USP13: variants seen among roughly 807,000 people sequenced by gnomAD.
The protein encoded by USP13 is ubiquitin carboxyl-terminal hydrolase 13.
Under a neutral mutation model 107.8 loss-of-function variants are expected in USP13, and 68 were observed. The ratio of observed to expected loss-of-function variants is 0.63; its 90% CI spans 0.52 to 0.77. USP13 has a LOEUF of 0.77. USP13 is among the 30% of genes least tolerant of loss of function. USP13 has a pLI of 0.00. For missense variants in USP13, 945 were observed against 1,093.3 expected (o/e 0.86, Z 1.91); for synonymous variants, 377 against 389.5 (o/e 0.97, Z 0.38).
At chr3:179,688,255 G>C (rs1484682855) in intron 2 of USP13, among the ~76,000 whole-genome samples, 3 of 116,158 alleles carry the variant, frequency 2.6e-5, no homozygotes, top group Non-Finnish European at 5.6e-5. Context: ...TATTTACTCA[G>C]TAGCTGCTAT....
rs1162503785 is a variant in USP13 at position 179,721,410 on chromosome 3, T to C, written c.909T>C (p.Asn303=). 4.3e-6 allele frequency: 7 copies of C among 1,613,370 alleles called. No homozygotes were observed. The highest frequency in any genetic ancestry group is 5.9e-6 in the Non-Finnish European group (7 of 1,179,784). Reference sequence around the variant, plus strand: ...CGATGACTTTGTCTCAGACAGAGAATGGGCTCCAGGACAATGACATCAAGC... The same window carrying C: ...CGATGACTTTGTCTCAGACAGAGAACGGGCTCCAGGACAATGACATCAAGC... The part of the protein sequence containing the change: ...IDMLHMHGTE[N]GLQDNDIKLR... Residue 303 remains asparagine, a synonymous_variant, in exon 8 of 21, where the codon AAT becomes AAC. Coordinates refer to ENST00000263966, the MANE Select transcript of USP13 (RefSeq NM_003940.3). The surrounding 1 kb of genome is among the most constrained non-coding windows in gnomAD (Gnocchi z 4.3).
intron 14 of USP13, among the ~76,000 whole-genome samples, chr3:179,753,677 C>T (rs1315003072): frequency 1.3e-5 from 2 of 152,040 alleles, no homozygotes; most frequent in African/African-American, 2.4e-5. Context: ...TTTAAATTTG[C>T]TTTTTTAAAC....
At position 179,654,369 on chromosome 3, in the gene USP13, T is replaced by C. The variant is rs1254541741; in HGVS notation, c.168+976T>C. 2.0e-5 allele frequency among the ~76,000 whole-genome samples: 3 copies of C among 152,082 alleles called. No individual in the cohort carries two copies. The East Asian group carries it at 5.8e-4, about 29-fold the overall frequency. Reference sequence around the variant, plus strand: ...TGGACTGACATGCGCAAGTATAAATTATTAAAAGTTCAATCCCGAGTCGTG... The same window carrying C: ...TGGACTGACATGCGCAAGTATAAATCATTAAAAGTTCAATCCCGAGTCGTG... On this transcript the variant is annotated intron_variant, in intron 1 of 20. Transcript: ENST00000263966.
rs115180163 is a variant in USP13 at position 179,732,202 on chromosome 3, G to A, written c.1254+1493G>A. Among the ~76,000 whole-genome samples, 1,023 of 152,302 alleles carry A rather than the reference G, an allele frequency of 6.7e-3. 21 individuals are homozygous for A. The highest frequency in any genetic ancestry group is 0.023 in the African/African-American group (973 of 41,560). On this transcript the variant is annotated intron_variant, in intron 10 of 20. Transcript: ENST00000263966. ...CAAGGTCCTTATCCACCAGAGGCTG[G>A]AAGGCTCCCATCTGAGATACAGTTG...
chr3:179,688,190 C>CATCA (rs1286450845), intron 2 of USP13, among the ~76,000 whole-genome samples: 3 of 140,762 alleles, frequency 2.1e-5, no homozygotes, highest in African/African-American at 8.3e-5. Flanking sequence ...TCCATCCATT[C>CATCA]ATCAATCCAT....
Position 179,742,536 on chromosome 3 carries a change from A to G in USP13, c.1534+186A>G. Among the ~76,000 whole-genome samples the G allele has an allele frequency of 6.6e-6, 1 of 152,210 alleles. No individual in the cohort carries two copies. On this transcript the variant is annotated intron_variant, in intron 12 of 20. Transcript: ENST00000263966. This position sits in a 1 kb window ranked among gnomAD's most constrained non-coding sequence, Gnocchi z 5.0. The stretch of plus-strand genomic sequence containing the variant: ...TGACTTTTCCTTTGAGAAGAATCAA[A>G]TGCATCACAGGTTTTATGGAGGCGT...
chr3:179,658,387 C>T (rs574945546), intron 1 of USP13, among the ~76,000 whole-genome samples: 45 of 152,318 alleles, frequency 3.0e-4, no homozygotes, highest in African/African-American at 1.1e-3. Flanking sequence ...TGTCATGCCG[C>T]ACAGCGGTTC....
intron 4 of USP13, among the ~76,000 whole-genome samples, chr3:179,702,503 ACTCT>A (rs886598389): frequency 4.7e-4 from 72 of 151,692 alleles, no homozygotes; most frequent in Non-Finnish European, 5.4e-4. Context: ...ACGTTGCATG[ACTCT>A]CTCTGTAGCC....
intron 8 of USP13, among the ~76,000 whole-genome samples, chr3:179,728,173 G>A (rs1318812964): frequency 5.1e-5 from 7 of 136,028 alleles, no homozygotes; most frequent in Non-Finnish European, 9.7e-5. Flanking sequence ...CTCACCTCCC[G>A]GACGGGGCGG....
chr3:179,672,593 C>T (rs149571865), intron 1 of USP13, among the ~76,000 whole-genome samples: 1 of 152,024 alleles, frequency 6.6e-6, no homozygotes, highest in African/African-American at 2.4e-5. Context: ...CCACTATTCC[C>T]GGCTAATTTC....
At chr3:179,691,858 T>G (rs775015586) in intron 3 of USP13, among the ~76,000 whole-genome samples, 6 of 152,226 alleles carry the variant, frequency 3.9e-5, no homozygotes, top group Admixed American at 2.6e-4. Context: ...ATGGTCATAT[T>G]AAGCTTCTGA....
In USP13 at chr3:179,729,417, G is replaced by A. The variant is rs1410089875; in HGVS notation, c.1089-772G>A. On this transcript the variant is annotated intron_variant, in intron 8 of 20. Coordinates refer to ENST00000263966, the MANE Select transcript of USP13 (RefSeq NM_003940.3). ...CCAGTCAAGCAGAGGCTTCAGAGGA[G>A]CCTGATGATGTTTTGGTTAAGTCGA... Among the ~76,000 whole-genome samples the A allele has an allele frequency of 5.3e-5, 8 of 152,278 alleles. No homozygotes were observed. In the East Asian group the frequency reaches 1.5e-3, roughly 29 times the overall value.
chr3:179,777,355 C>T (rs1459054855), intron 19 of USP13, among the ~76,000 whole-genome samples: 2 of 151,186 alleles, frequency 1.3e-5, no homozygotes, highest in East Asian at 1.9e-4. Flanking sequence ...GCTCAGTAAA[C>T]ACTCTGTTGA....
rs1238476507 is a variant in USP13, at chr3:179,742,895, G to C, written c.1534+545G>C. On this transcript the variant is annotated intron_variant, in intron 12 of 20. Transcript: ENST00000263966. This position sits in a 1 kb window ranked among gnomAD's most constrained non-coding sequence, Gnocchi z 5.0. ...GGAAGAGAGAAGGAGGCAGAGATGT[G>C]GCACTCATGTTTGGTGCCTTCTCCT... Among the ~76,000 whole-genome samples the C allele has an allele frequency of 3.3e-5, 5 of 152,152 alleles. No individual in the cohort carries two copies. The highest frequency in any genetic ancestry group is 5.9e-5 in the Non-Finnish European group (4 of 68,016).
intron 1 of USP13, among the ~76,000 whole-genome samples, chr3:179,666,901 C>T (rs1234110824): frequency 6.6e-6 from 1 of 152,230 alleles, no homozygotes; most frequent in Non-Finnish European, 1.5e-5. Flanking sequence ...AATCCACCTC[C>T]ACTTACTACT....
At chr3:179,659,386 G>A (rs1720390276) in intron 1 of USP13, among the ~76,000 whole-genome samples, 1 of 152,134 alleles carries the variant, frequency 6.6e-6, no homozygotes, top group African/African-American at 2.4e-5. Context: ...TTTTCAAAGC[G>A]TGCTCCCTGA....
chr3:179,673,386 GAC>G lies in USP13; in HGVS notation c.169-8488_169-8487del, dbSNP rs558170832. 3.1e-3 allele frequency among the ~76,000 whole-genome samples: 234 copies of G among 74,720 alleles called. 1 individual carries two copies. The highest frequency in any genetic ancestry group is 0.014 in the African/African-American group (222 of 15,726). The allele number at this position is 74,720 out of a possible 152,430, so 49.0% of individuals were successfully genotyped here. On this transcript the variant is annotated intron_variant, in intron 1 of 20. Coordinates refer to ENST00000263966, the MANE Select transcript of USP13 (RefSeq NM_003940.3). ...GTTTTTGGGATTCAGTGGTGAATAT[GAC>G]ACAGTTTTCCTGCCCCCCCTGCCCT...
chr3:179,731,193 C>T (rs554670150), intron 10 of USP13, among the ~76,000 whole-genome samples: 2 of 152,198 alleles, frequency 1.3e-5, no homozygotes, highest in African/African-American at 4.8e-5. Context: ...GGTGGATCAC[C>T]TGAGGTTGGG....
chr3:179,754,599 G>C lies in USP13; in HGVS notation c.1799-133G>C, dbSNP rs9879745. 6.8e-3 allele frequency: 8,232 copies of C among 1,214,166 alleles called. 430 individuals are homozygous for C. In the African/African-American group the frequency reaches 0.12, roughly 17 times the overall value. 75.2% of individuals were successfully genotyped at this position (1,214,166 alleles called of 1,614,324 possible). A position where few individuals can be genotyped will look rare whatever the true frequency, so the allele number is the denominator to read the frequency against. On this transcript the variant is annotated intron_variant, in intron 14 of 20. Coordinates refer to ENST00000263966, the MANE Select transcript of USP13 (RefSeq NM_003940.3). ...GTTAGTCTTCATGAACCTGCTGGTC[G>C]AGCAACATATTCTAGGGAATTGAAA...
Sources: gnomAD v4.1 joint callset for allele counts (sites outside exome capture counted in the v4.1 genomes callset) on GRCh38, gnomAD v4.1.1 for gene constraint, Gnocchi (gnomAD v3.1) non-coding constraint, MANE v1.5 for transcripts, NCBI Gene and HGNC (gene_info 2026-07-23, HGNC 2026-07-21) for gene names.